Variants in SOX5 observed in about 807,000 individuals in gnomAD.
SOX5 encodes the protein transcription factor SOX-5.
Under a neutral mutation model 92.0 loss-of-function variants are expected in SOX5, and 9 were observed. The observed-to-expected ratio is 0.10, with a 90% CI of 0.06 to 0.17. The LOEUF (loss-of-function observed/expected upper bound fraction) is 0.17, where lower values mean the gene tolerates loss of function less well. Ranked by LOEUF, SOX5 falls within the 10% of genes least tolerant of loss-of-function variation. The pLI, the probability that SOX5 is intolerant of heterozygous loss-of-function variation, is 1.00. For missense variants in SOX5, 642 were observed against 944.5 expected (o/e 0.68, Z 4.20); for synonymous variants, 344 against 336.3 (o/e 1.02, Z -0.25).
intron 2 of SOX5, among the ~76,000 whole-genome samples, chr12:24,298,478 A>G (rs1485280911): frequency 6.6e-6 from 1 of 152,182 alleles, no homozygotes; most frequent in Non-Finnish European, 1.5e-5. Context: ...TATTCCTAAT[A>G]TTTTTAAAAG....
chr12:23,923,625 C>T (rs1362261290), intron 1 of SOX5, among the ~76,000 whole-genome samples: 3 of 152,088 alleles, frequency 2.0e-5, no homozygotes, highest in Admixed American at 6.5e-5. Context: ...ATGCAATCCC[C>T]GCCCCAAGCT....
chr12:24,164,299 TTTC>T (rs1953127283), intron 4 of SOX5, among the ~76,000 whole-genome samples: 1 of 152,090 alleles, frequency 6.6e-6, no homozygotes, highest in Non-Finnish European at 1.5e-5. Context: ...AAGTTAAAGC[TTTC>T]TTCCTTAAAT....
At chr12:23,756,732 T>C (rs2094395078) in intron 3 of SOX5, among the ~76,000 whole-genome samples, 1 of 151,850 alleles carries the variant, frequency 6.6e-6, no homozygotes, top group Non-Finnish European at 1.5e-5. Flanking sequence ...ATTCTCCACA[T>C]TGGTGTTTAT....
intron 4 of SOX5, among the ~76,000 whole-genome samples, chr12:24,056,086 G>A (rs558553318): frequency 6.6e-6 from 1 of 152,202 alleles, no homozygotes; most frequent in South Asian, 2.1e-4. Context: ...ACCTAGGAGG[G>A]TTAAACACTG....
chr12:24,004,655 A>C (rs1463549301), intron 4 of SOX5, among the ~76,000 whole-genome samples: 1 of 152,148 alleles, frequency 6.6e-6, no homozygotes, highest in Admixed American at 6.6e-5. Context: ...CAGCGCCTGC[A>C]TATATATTGC....
At chr12:24,279,756 C>T (rs1944938064) in intron 2 of SOX5, among the ~76,000 whole-genome samples, 1 of 152,126 alleles carries the variant, frequency 6.6e-6, no homozygotes, top group South Asian at 2.1e-4. Context: ...AAACTCCCAT[C>T]TAAAAAAATA....
At chr12:23,965,635 T>C (rs900696097) in intron 4 of SOX5, among the ~76,000 whole-genome samples, 5 of 152,140 alleles carry the variant, frequency 3.3e-5, no homozygotes, top group Non-Finnish European at 7.4e-5. Context: ...TGGTTTGTTT[T>C]TGAGATGGAG....
At chr12:23,934,392 CATATGT>C (rs1161043906) in intron 1 of SOX5, among the ~76,000 whole-genome samples, 2 of 149,774 alleles carry the variant, frequency 1.3e-5, no homozygotes, top group Admixed American at 6.7e-5. Flanking sequence ...ATATATTATA[CATATGT>C]ATATGTATAT....
At chr12:23,558,551 T>G (rs965656576) in intron 11 of SOX5, among the ~76,000 whole-genome samples, 1 of 152,170 alleles carries the variant, frequency 6.6e-6, no homozygotes, top group Non-Finnish European at 1.5e-5. Flanking sequence ...GATGAACTCA[T>G]GCCACCAACC....
At chr12:23,586,398 G>A (rs1437694193) in intron 9 of SOX5, among the ~76,000 whole-genome samples, 1 of 152,036 alleles carries the variant, frequency 6.6e-6, no homozygotes, top group Non-Finnish European at 1.5e-5. Flanking sequence ...TTAAGGCAAT[G>A]TAAGTGACTA....
intron 4 of SOX5, among the ~76,000 whole-genome samples, chr12:24,127,014 A>G (rs1949168731): frequency 2.6e-5 from 4 of 152,112 alleles, no homozygotes; most frequent in Admixed American, 2.6e-4. Context: ...CTATATAATT[A>G]GTACATACTA....
At chr12:24,318,994 G>T (rs1331381330) in intron 2 of SOX5, among the ~76,000 whole-genome samples, 2 of 152,074 alleles carry the variant, frequency 1.3e-5, no homozygotes, top group Non-Finnish European at 2.9e-5. Context: ...GGGCCACAAG[G>T]CATATCCTCC....
In SOX5 at chr12:23,636,300, A is replaced by G. The variant is rs139689689; in HGVS notation, c.1017+4512T>C. Among the ~76,000 whole-genome samples the G allele has an allele frequency of 5.1e-3, 772 of 152,294 alleles. 4 individuals are homozygous for G. The highest frequency in any genetic ancestry group is 0.018 in the African/African-American group (749 of 41,562). On this transcript the variant is annotated intron_variant, in intron 8 of 14. Transcript: ENST00000451604. ...TTTTAGAATATTTTAACTGCTTCTGAAAGTACACAGTAAGGTGATTTTTCT... is the reference window on the plus strand; with the variant it reads ...TTTTAGAATATTTTAACTGCTTCTGGAAGTACACAGTAAGGTGATTTTTCT...
intron 4 of SOX5, among the ~76,000 whole-genome samples, chr12:24,025,247 T>C (rs1482065672): frequency 1.3e-5 from 2 of 151,924 alleles, no homozygotes; most frequent in Non-Finnish European, 2.9e-5. Flanking sequence ...AATGGAAAGA[T>C]GGAAATACAC....
At chr12:24,070,792 T>A (rs1345765208) in intron 4 of SOX5, among the ~76,000 whole-genome samples, 1 of 152,194 alleles carries the variant, frequency 6.6e-6, no homozygotes, top group African/African-American at 2.4e-5. Flanking sequence ...TACCTGCATA[T>A]CCGTTTATGT....
chr12:23,587,132 C>A (rs1950861313), intron 9 of SOX5, among the ~76,000 whole-genome samples: 2 of 151,906 alleles, frequency 1.3e-5, no homozygotes, highest in Admixed American at 1.3e-4. Flanking sequence ...GGTTTCATAA[C>A]CTAAAAACTT....
In SOX5 at chr12:24,207,929, A is replaced by C. The variant is rs1283223840; in HGVS notation, c.-2+5414T>G. Among the ~76,000 whole-genome samples, 3 of 152,354 alleles carry C rather than the reference A, an allele frequency of 2.0e-5. No individual in the cohort carries two copies. The East Asian group carries it at 5.8e-4, about 29-fold the overall frequency. On this transcript the variant is annotated intron_variant, in intron 4 of 4. Transcript: ENST00000446891. ...ATCAGTATTGGTAACTCAAATATAAAGACTCTCAAAACAATTCATGCCCTC... is the reference window on the plus strand; with the variant it reads ...ATCAGTATTGGTAACTCAAATATAACGACTCTCAAAACAATTCATGCCCTC...
At chr12:23,603,180 G>A (rs535562713) in intron 9 of SOX5, among the ~76,000 whole-genome samples, 15 of 151,970 alleles carry the variant, frequency 9.9e-5, no homozygotes, top group Admixed American at 7.9e-4. Flanking sequence ...ATGATTGATT[G>A]ATCCCTTCTC....
intron 1 of SOX5, among the ~76,000 whole-genome samples, chr12:24,518,167 C>T (rs1949964185): frequency 6.6e-6 from 1 of 151,936 alleles, no homozygotes; most frequent in African/African-American, 2.4e-5. Context: ...CTCCCAGCTT[C>T]CAGTGTTTCT....
Sources: allele counts gnomAD v4.1 joint callset (sites outside exome capture counted in the v4.1 genomes callset), GRCh38; gene constraint gnomAD v4.1.1; transcripts MANE v1.5; gene names NCBI Gene and HGNC (gene_info 2026-07-23, HGNC 2026-07-21).